COG3: variants seen among roughly 807,000 people sequenced by gnomAD.
The protein encoded by COG3 is component of oligomeric golgi complex 3, also known as conserved oligomeric Golgi complex subunit 3.
COG3 carries 32 observed loss-of-function variants against 114.1 expected under a neutral mutation model. The observed-to-expected ratio is 0.28, with a 90% CI of 0.21 to 0.38. The LOEUF (loss-of-function observed/expected upper bound fraction) is 0.38, where lower values mean the gene tolerates loss of function less well. Among genes scored for constraint, COG3 ranks in the 10% least tolerant of loss-of-function variants. The probability of loss-of-function intolerance (pLI) is 1.00; values close to 1 mark genes in which losing one functional copy is unlikely to be tolerated. For synonymous variants in COG3, 352 were observed against 365.7 expected (o/e 0.96, Z 0.43); for missense variants, 813 against 973.2 (o/e 0.84, Z 2.19).
At chr13:45,503,710 A>G (rs1223735727) in intron 14 of COG3, among the ~76,000 whole-genome samples, 2 of 152,126 alleles carry the variant, frequency 1.3e-5, no homozygotes, top group African/African-American at 4.8e-5. Context: ...GAATGTAGAA[A>G]GGCATGCAGG....
chr13:45,518,478 G>T (rs1423273796), intron 17 of COG3, among the ~76,000 whole-genome samples: 1 of 152,184 alleles, frequency 6.6e-6, no homozygotes, highest in Non-Finnish European at 1.5e-5. Flanking sequence ...TAAAAGTAAA[G>T]CAGTGAAATT....
Position 45,465,195 on chromosome 13 carries a change from G to A in COG3, c.159G>A (p.Leu53=), listed in dbSNP as rs1380319130. The change falls in exon 1 of 23, where the codon TTG becomes TTA. Residue 53 remains leucine (L), a synonymous_variant. Coordinates refer to ENST00000349995, the MANE Select transcript of COG3 (RefSeq NM_031431.4). ...AGCTGAAGGCGGCGGCAGAGAACTT[G>A]CCGGTGCCAGCTGAGGTGAGGTGAT... ...VLELKAAAEN[L]PVPAELPIED... 1 of 1,613,470 alleles carries A rather than the reference G, an allele frequency of 6.2e-7. No homozygotes were observed. Among genetic ancestry groups the A allele is most frequent in the Non-Finnish European group, 8.5e-7 (1 of 1,179,868 alleles).
intron 12 of COG3, among the ~76,000 whole-genome samples, chr13:45,494,864 C>CTTTT (rs56330728): frequency 7.6e-6 from 1 of 131,780 alleles, no homozygotes; most frequent in Non-Finnish European, 1.6e-5. Context: ...TTTCTCTTTT[C>CTTTT]TTTTTTTTTT....
chr13:45,512,530 G>A (rs1222406665), intron 16 of COG3, among the ~76,000 whole-genome samples: 2 of 151,950 alleles, frequency 1.3e-5, no homozygotes, highest in African/African-American at 4.8e-5. Context: ...ACAGGATTTT[G>A]TCATGTTGCT....
intron 8 of COG3, among the ~76,000 whole-genome samples, chr13:45,489,615 CAAAA>C: frequency 6.6e-6 from 1 of 152,120 alleles, no homozygotes; most frequent in Non-Finnish European, 1.5e-5. Context: ...ATATCAGTGA[CAAAA>C]AGCATAAAAT....
intron 13 of COG3, among the ~76,000 whole-genome samples, chr13:45,502,371 T>G (rs1274008503): frequency 1.3e-5 from 2 of 152,240 alleles, no homozygotes; most frequent in African/African-American, 4.8e-5. Context: ...TTGGTATGTT[T>G]ATTCAGTCAT....
chr13:45,470,844 C>T (rs565114816), intron 1 of COG3, among the ~76,000 whole-genome samples: 3 of 152,282 alleles, frequency 2.0e-5, no homozygotes, highest in African/African-American at 7.2e-5. Flanking sequence ...CAGATGGTCC[C>T]TGACTTATGA....
intron 1 of COG3, among the ~76,000 whole-genome samples, chr13:45,474,397 C>T (rs1049276807): frequency 5.3e-5 from 8 of 151,998 alleles, no homozygotes; most frequent in Non-Finnish European, 4.4e-5. Context: ...TTCCTGACCT[C>T]GTGATCCGCC....
Position 45,480,209 on chromosome 13 carries a change from G to GA in COG3, c.468_469insA (p.Ser157IlefsTer12). On this transcript the variant is annotated frameshift_variant, in exon 4 of 23. Coordinates refer to ENST00000349995, the MANE Select transcript of COG3 (RefSeq NM_031431.4). LOFTEE classifies it high-confidence loss of function. ...TAAACAGTGCTCTTCAGCATCTGGA[G>GA]TCTTTGCAGAAACAGTATCTTTTTG... The GA allele has an allele frequency of 1.2e-6, 2 of 1,613,706 alleles. No individual in the cohort carries two copies. The highest frequency in any genetic ancestry group is 1.7e-6 in the Non-Finnish European group (2 of 1,179,638).
Position 45,536,514 on chromosome 13 carries a change from T to C in COG3, c.*1783T>C, listed in dbSNP as rs1402196936. 1.3e-5 allele frequency: 2 copies of C among 152,260 alleles called. No homozygotes were observed. The allele number at this position is 152,260 out of a possible 1,614,324, so 9.4% of individuals were successfully genotyped here. On this transcript the variant is annotated 3_prime_UTR_variant, in exon 23 of 23. Coordinates refer to ENST00000349995, the MANE Select transcript of COG3 (RefSeq NM_031431.4). ...CTGTACAGTTTTAAGTGTTCACTTATACAAAGAGTGTATATACTTTCAAAT... is the reference window on the plus strand; with the variant it reads ...CTGTACAGTTTTAAGTGTTCACTTACACAAAGAGTGTATATACTTTCAAAT...
intron 20 of COG3, among the ~76,000 whole-genome samples, chr13:45,525,550 A>G (rs546077266): frequency 1.7e-4 from 24 of 137,574 alleles, no homozygotes; most frequent in Admixed American, 9.4e-4. Context: ...AGGCAATACT[A>G]TTGTCTGATT....
chr13:45,500,092 GTGTATA>G (rs1467080754), intron 13 of COG3, among the ~76,000 whole-genome samples: 70 of 41,598 alleles, frequency 1.7e-3, no homozygotes, highest in African/African-American at 3.4e-3. Flanking sequence ...GTGTGTGTGT[GTGTATA>G]TATATATATA....
intron 20 of COG3, among the ~76,000 whole-genome samples, chr13:45,526,612 G>A (rs1013482594): frequency 6.6e-6 from 1 of 152,166 alleles, no homozygotes; most frequent in Non-Finnish European, 1.5e-5. Flanking sequence ...ACATACTTTA[G>A]GTGTTTCGTT....
At chr13:45,506,649 T>C (rs1870184075) in intron 14 of COG3, among the ~76,000 whole-genome samples, 1 of 152,092 alleles carries the variant, frequency 6.6e-6, no homozygotes, top group South Asian at 2.1e-4. Context: ...ATCTGTGCAG[T>C]TATCAGTGTT....
intron 14 of COG3, among the ~76,000 whole-genome samples, chr13:45,509,304 C>T (rs1022062585): frequency 5.9e-5 from 9 of 152,240 alleles, no homozygotes; most frequent in African/African-American, 1.7e-4. Context: ...TCCCAAAGTG[C>T]TGGGGTTACA....
At chr13:45,503,481 G>T in intron 14 of COG3, 132 bp downstream of exon 14, 1 of 579,980 alleles carries the variant, frequency 1.7e-6, no homozygotes, top group South Asian at 2.2e-5. Flanking sequence ...GGGGGAGATT[G>T]CCAAGCCACA....
chr13:45,471,709 T>C (rs1188402569), intron 1 of COG3, among the ~76,000 whole-genome samples: 1 of 149,932 alleles, frequency 6.7e-6, no homozygotes, highest in African/African-American at 2.5e-5. Context: ...CTGCTGGTAA[T>C]GAATTCTCTC....
At chr13:45,487,541 G>A (rs1886744579) in intron 8 of COG3, among the ~76,000 whole-genome samples, 1 of 152,164 alleles carries the variant, frequency 6.6e-6, no homozygotes, top group South Asian at 2.1e-4. Context: ...AACAGAAGAA[G>A]GCCCCAAATA....
At chr13:45,503,171 T>C (rs1035691527) in intron 13 of COG3, 73 bp from the exon 14 acceptor site, 6 of 704,412 alleles carry the variant, frequency 8.5e-6, no homozygotes, top group East Asian at 2.7e-5. Flanking sequence ...TATATGTACT[T>C]TGTATAAAGA....
Sources: gnomAD v4.1 joint callset for allele counts (sites outside exome capture counted in the v4.1 genomes callset) on GRCh38, gnomAD v4.1.1 for gene constraint, MANE v1.5 for transcripts, NCBI Gene and HGNC (gene_info 2026-07-23, HGNC 2026-07-21) for gene names.